TMEM234: variants seen among roughly 807,000 people sequenced by gnomAD.
The protein encoded by TMEM234 is transmembrane protein 234.
Under a neutral mutation model 17.8 loss-of-function variants are expected in TMEM234, and 21 were observed. The observed-to-expected ratio is 1.18, with a 90% CI of 0.84 to 1.70. The LOEUF (loss-of-function observed/expected upper bound fraction) is 1.70, where lower values mean the gene tolerates loss of function less well. TMEM234 is among the 40% of genes most tolerant of loss of function. The pLI is 0.00. For missense variants in TMEM234, 137 were observed against 166.9 expected, an observed-to-expected ratio of 0.82 and a Z score of 0.99; for synonymous variants, 83 against 73.5, an observed-to-expected ratio of 1.13 and a Z score of -0.66.
intron 3 of TMEM234, 53 bp downstream of exon 3, chr1:32,221,078 C>T (rs2124244341): frequency 1.3e-6 from 2 of 1,498,426 alleles, no homozygotes; most frequent in East Asian, 2.3e-5. Flanking sequence ...CCCCCAATCA[C>T]TCTTCCAGGT....
At chr1:32,215,813 G>T, downstream of TMEM234, 1 of 1,552,552 alleles carries the variant, frequency 6.4e-7, no homozygotes, top group Non-Finnish European at 8.7e-7. Context: ...GGGCAGCACA[G>T]ATAGTGGAAG....
rs2124240582 is a variant in TMEM234, at chr1:32,220,430, G to A, written c.235+701C>T. On this transcript the variant is annotated intron_variant, in intron 3 of 4. Transcript: ENST00000309777. ...GACCTCAAATGATCTGCCCTCCTTGGCCTCCCAAAGTGCTGGGATTACAGG... is the reference window on the plus strand; with the variant it reads ...GACCTCAAATGATCTGCCCTCCTTGACCTCCCAAAGTGCTGGGATTACAGG... Among the ~76,000 whole-genome samples, 3 of 152,282 alleles carry A rather than the reference G, an allele frequency of 2.0e-5. No homozygotes were observed. In the South Asian group the frequency reaches 6.2e-4, roughly 32 times the overall value.
At chr1:32,220,396 C>T (rs1027631333) in intron 3 of TMEM234, among the ~76,000 whole-genome samples, 2 of 152,136 alleles carry the variant, frequency 1.3e-5, no homozygotes, top group South Asian at 2.1e-4. Context: ...AGACTGGTCT[C>T]GAACTCCTGA....
rs1638404832 is a variant in TMEM234, at chr1:32,216,578, T to C, written c.*275A>G. 1.3e-6 allele frequency: 2 copies of C among 1,544,494 alleles called. No homozygotes were observed. The highest frequency in any genetic ancestry group is 2.0e-5 in the Admixed American group (1 of 50,880). On this transcript the variant is annotated 3_prime_UTR_variant, in exon 5 of 5. Coordinates refer to ENST00000309777, the MANE Select transcript of TMEM234 (RefSeq NM_019118.5). ...TGGTGGCTGGGCTGGGAGCCTGAGA[T>C]GTTAGCAGGAAGAGAGCTGCTGGGG... is the stretch of plus-strand genomic sequence containing the variant.
intron 3 of TMEM234, among the ~76,000 whole-genome samples, chr1:32,219,972 T>A (rs921648550): frequency 6.6e-6 from 1 of 152,178 alleles, no homozygotes; most frequent in African/African-American, 2.4e-5. Context: ...AAATAGTTAT[T>A]ACTGTTCTGG....
intron 3 of TMEM234, chr1:32,217,656 G>T: frequency 1.8e-6 from 1 of 549,536 alleles, no homozygotes; most frequent in Non-Finnish European, 3.4e-6. Flanking sequence ...CGGACAGGCA[G>T]GCACCCAAAT....
chr1:32,214,777 G>T, downstream of TMEM234: 1 of 1,613,718 alleles, frequency 6.2e-7, no homozygotes, highest in Non-Finnish European at 8.5e-7. Context: ...CAGGGTCCAA[G>T]CCCAGTGTCC....
At position 32,221,899 on chromosome 1, in the gene TMEM234, G is replaced by A. The variant is rs756870187; in HGVS notation, c.136C>T (p.Gln46Ter). 1 of 1,613,156 alleles carries A rather than the reference G, an allele frequency of 6.2e-7. No homozygotes were observed. The highest frequency in any genetic ancestry group is 1.1e-5 in the South Asian group (1 of 91,084). ...HEPTWAQQLL[Q>*]EMKTLFLNTE... The stretch of plus-strand genomic sequence containing the variant: ...TTCAAGAAGAGGGTCTTCATCTCCT[G>A]TAGCAACTGCTGGGCCCAGGTCGGC... Residue 46 changes from glutamine to a stop codon, truncating the protein, a stop_gained, in exon 2 of 5, where the codon CAG becomes TAG. Coordinates refer to ENST00000309777, the MANE Select transcript of TMEM234 (RefSeq NM_019118.5). LOFTEE classifies it high-confidence loss of function.
intron 3 of TMEM234, 121 bp downstream of exon 3, chr1:32,221,010 G>T: frequency 1.4e-6 from 1 of 729,872 alleles, no homozygotes. Flanking sequence ...GAGGGAACTA[G>T]AGCTAGTCAG....
chr1:32,216,207 AC>A lies in TMEM234; in HGVS notation c.*645del. On this transcript the variant is annotated 3_prime_UTR_variant, in exon 5 of 5. Coordinates refer to ENST00000309777, the MANE Select transcript of TMEM234 (RefSeq NM_019118.5). ...ATACTTACTAACCTCTTGTCTGTTTACCATAGATTTATTGACAGCTACTACT... is the reference window on the plus strand; with the variant it reads ...ATACTTACTAACCTCTTGTCTGTTTACATAGATTTATTGACAGCTACTACT... 1.0e-6 allele frequency: 1 copy of A among 968,168 alleles called. No homozygotes were observed. Among genetic ancestry groups the A allele is most frequent in the Non-Finnish European group, 1.5e-6 (1 of 669,882 alleles). The allele number at this position is 968,168 out of a possible 1,614,324, so 60.0% of individuals were successfully genotyped here.
In TMEM234 at chr1:32,217,354, G is replaced by T. The variant is rs1557541363; in HGVS notation, c.236-3C>A. ...GATGGGCACAGCCAGGGTCAGATCT[G>T]GGTGGTCAGAATGAAAAGAATGCCT... On this transcript the variant is annotated splice_region_variant and splice_polypyrimidine_tract_variant and intron_variant, in intron 3 of 4. Transcript: ENST00000309777. 1 of 1,604,436 alleles carries T rather than the reference G, an allele frequency of 6.2e-7. No homozygotes were observed. The highest frequency in any genetic ancestry group is 1.7e-5 in the Admixed American group (1 of 59,572).
In TMEM234 at chr1:32,221,757, C is replaced by T; in HGVS notation, c.168+110G>A. The T allele has an allele frequency of 4.8e-6, 7 of 1,464,306 alleles. No individual in the cohort carries two copies. The South Asian group carries it at 6.5e-5, about 14-fold the overall frequency. 90.7% of individuals were successfully genotyped at this position (1,464,306 alleles called of 1,614,324 possible). On this transcript the variant is annotated intron_variant, in intron 2 of 4. Coordinates refer to ENST00000309777, the MANE Select transcript of TMEM234 (RefSeq NM_019118.5). ...GAGGCTCAAGGACAACTGACTTTTC[C>T]GAGAATTTCTAGTGAGTAAGTGGTG...
chr1:32,215,138 C>A, downstream of TMEM234: 1 of 693,734 alleles, frequency 1.4e-6, no homozygotes, highest in Non-Finnish European at 2.3e-6. Flanking sequence ...GTACTGACCT[C>A]ATCATAACTG....
intron 3 of TMEM234, among the ~76,000 whole-genome samples, chr1:32,219,134 C>T (rs1261308678): frequency 6.7e-6 from 1 of 149,722 alleles, no homozygotes; most frequent in Non-Finnish European, 1.5e-5. Context: ...AAAAAAGCAC[C>T]ACATACACAT....
chr1:32,214,987 G>T, downstream of TMEM234: 1 of 1,606,694 alleles, frequency 6.2e-7, no homozygotes, highest in Non-Finnish European at 8.5e-7. Flanking sequence ...CAGTGACATA[G>T]GTTGGTCCCT....
chr1:32,215,722 G>A (rs976859209), downstream of TMEM234: 1 of 1,250,696 alleles, frequency 8.0e-7, no homozygotes, highest in Admixed American at 2.6e-5. Flanking sequence ...TCCTTCCTTG[G>A]GGTTGGGGAC....
chr1:32,216,981 G>A (rs1329860346), intron 4 of TMEM234, 34 bp from the exon 5 acceptor site: 1 of 1,613,802 alleles, frequency 6.2e-7, no homozygotes, highest in Non-Finnish European at 8.5e-7. Flanking sequence ...GAGGGTCTGA[G>A]CTCAGCCATG....
At chr1:32,217,623 G>A (rs1256933131) in intron 3 of TMEM234, 3 of 669,646 alleles carry the variant, frequency 4.5e-6, no homozygotes, top group Middle Eastern at 2.5e-4. Context: ...AAGAGAACTC[G>A]TGAGATCTCA....
At position 32,217,302 on chromosome 1, in the gene TMEM234, T is replaced by C. The variant is rs563015563; in HGVS notation, c.285A>G (p.Thr95=). ...PICNSLAIIF[T]LIVGKALGED... ...CTCCAAGGGCCTTCCCAACAATCAG[T>C]GTGAAGATGATAGCCAGAGAGTTAC... is the stretch of plus-strand genomic sequence containing the variant. The change falls in exon 4 of 5, where the codon ACA becomes ACG. Residue 95 remains threonine, a synonymous_variant. Transcript: ENST00000309777. 2.5e-4 allele frequency: 396 copies of C among 1,613,892 alleles called. 6 individuals are homozygous for C. In the South Asian group the frequency reaches 3.2e-3, roughly 13 times the overall value.
Sources: gnomAD v4.1 joint callset for allele counts (sites outside exome capture counted in the v4.1 genomes callset) on GRCh38, gnomAD v4.1.1 for gene constraint, MANE v1.5 for transcripts, NCBI Gene and HGNC (gene_info 2026-07-23, HGNC 2026-07-21) for gene names.